Variants in MTF2 observed in about 807,000 individuals in gnomAD.
MTF2 encodes the protein metal-response element-binding transcription factor 2.
Under a neutral mutation model 79.5 loss-of-function variants are expected in MTF2, and 11 were observed. That is an observed-to-expected ratio of 0.14 (90% confidence interval 0.09 to 0.23). The LOEUF (loss-of-function observed/expected upper bound fraction) is 0.23. Ranked by LOEUF, MTF2 falls within the 10% of genes least tolerant of loss-of-function variation. MTF2 has a pLI of 1.00. For missense variants in MTF2, 486 were observed against 711.2 expected (o/e 0.68, Z 3.60); for synonymous variants, 208 against 232.8 (o/e 0.89, Z 0.97).
intron 1 of MTF2, among the ~76,000 whole-genome samples, chr1:93,094,825 T>G (rs980800294): frequency 2.6e-5 from 4 of 152,220 alleles, no homozygotes; most frequent in African/African-American, 9.6e-5. Context: ...AAAATGGTGA[T>G]TTAAAACATT....
chr1:93,098,951 A>G (rs1367019903), intron 1 of MTF2, among the ~76,000 whole-genome samples: 1 of 152,158 alleles, frequency 6.6e-6, no homozygotes, highest in Non-Finnish European at 1.5e-5. Flanking sequence ...CAGCAAGGTG[A>G]GGGATGAGAG....
At chr1:93,113,067 C>T (rs921034675) in intron 3 of MTF2, among the ~76,000 whole-genome samples, 1 of 152,122 alleles carries the variant, frequency 6.6e-6, no homozygotes, top group Non-Finnish European at 1.5e-5. Context: ...TATGGGAGAC[C>T]ACCTTCAACG....
At chr1:93,126,309 G>A (rs929369317) in intron 9 of MTF2, among the ~76,000 whole-genome samples, 5 of 152,028 alleles carry the variant, frequency 3.3e-5, no homozygotes, top group Non-Finnish European at 7.4e-5. Context: ...TTGTTAACTC[G>A]TGTAAAATAG....
rs112717765 is a variant in MTF2 at position 93,105,066 on chromosome 1, C to T, written c.6-5164C>T. On this transcript the variant is annotated intron_variant, in intron 1 of 14. Coordinates refer to ENST00000370298, the MANE Select transcript of MTF2 (RefSeq NM_007358.4). ...GGCTGAGGCAGGAGAATGGCGTGAA[C>T]CTGGGAGGCGGAGCTTGCAGTGAGC... Among the ~76,000 whole-genome samples the T allele has an allele frequency of 5.2e-4, 76 of 145,524 alleles. 1 individual carries two copies. Among genetic ancestry groups the T allele is most frequent in the African/African-American group, 1.9e-3 (74 of 39,474 alleles).
rs924477784 is a variant in MTF2, at chr1:93,127,178, T to C, written c.922-54T>C. The C allele has an allele frequency of 2.7e-5, 33 of 1,215,250 alleles. 2 individuals carry two copies. Among genetic ancestry groups the C allele is most frequent in the Non-Finnish European group, 8.6e-6 (7 of 818,584 alleles). 75.3% of individuals were successfully genotyped at this position (1,215,250 alleles called of 1,614,324 possible). A position where few individuals can be genotyped will look rare whatever the true frequency, so the allele number is the denominator to read the frequency against. ...ACATTGCCTCTATCTAGCACCTGTATATTACTAATTGATGAAATTGTAGTG... is the reference window on the plus strand; with the variant it reads ...ACATTGCCTCTATCTAGCACCTGTACATTACTAATTGATGAAATTGTAGTG... On this transcript the variant is annotated intron_variant, in intron 9 of 14. Transcript: ENST00000370298.
intron 9 of MTF2, among the ~76,000 whole-genome samples, chr1:93,124,860 A>G (rs1352547118): frequency 6.6e-6 from 1 of 151,966 alleles, no homozygotes; most frequent in Non-Finnish European, 1.5e-5. Flanking sequence ...AGATTTATAT[A>G]ATAAACCTCA....
At position 93,137,952 on chromosome 1, in the gene MTF2, A is replaced by G. The variant is rs1647466299; in HGVS notation, c.*925A>G. On this transcript the variant is annotated 3_prime_UTR_variant, in exon 15 of 15. Coordinates refer to ENST00000370298, the MANE Select transcript of MTF2 (RefSeq NM_007358.4). The stretch of plus-strand genomic sequence containing the variant: ...ATGAACATTATCTCCTACTAGAAGT[A>G]ACGTTTTCAAGTTTTCATGGCACAT... The G allele has an allele frequency of 6.6e-6, 1 of 152,360 alleles. No homozygotes were observed. Among genetic ancestry groups the G allele is most frequent in the African/African-American group, 2.4e-5 (1 of 41,588 alleles). 9.4% of individuals were successfully genotyped at this position (152,360 alleles called of 1,614,324 possible).
chr1:93,116,687 G>A (rs1025115120), intron 6 of MTF2, among the ~76,000 whole-genome samples: 2 of 151,882 alleles, frequency 1.3e-5, no homozygotes, highest in Non-Finnish European at 1.5e-5. Flanking sequence ...TTTTTTTGTG[G>A]AAATGGAGTC....
chr1:93,115,993 A>C (rs777215878), intron 6 of MTF2, among the ~76,000 whole-genome samples: 1 of 152,166 alleles, frequency 6.6e-6, no homozygotes, highest in Non-Finnish European at 1.5e-5. Flanking sequence ...TAAATGGGAG[A>C]GTAAAAGACA....
chr1:93,111,079 A>G (rs1229582837), intron 3 of MTF2, among the ~76,000 whole-genome samples: 2 of 152,182 alleles, frequency 1.3e-5, no homozygotes, highest in African/African-American at 4.8e-5. Flanking sequence ...TGGGTTTTTT[A>G]TGTTTAAATG....
intron 1 of MTF2, among the ~76,000 whole-genome samples, chr1:93,098,947 G>A (rs1655414114): frequency 6.6e-6 from 1 of 152,196 alleles, no homozygotes; most frequent in Non-Finnish European, 1.5e-5. Flanking sequence ...GTTTCAGCAA[G>A]GTGAGGGATG....
intron 9 of MTF2, chr1:93,121,057 C>G: frequency 1.0e-6 from 1 of 978,250 alleles, no homozygotes; most frequent in Non-Finnish European, 1.2e-6. Flanking sequence ...CTTCCTTCCT[C>G]TCTTGTTGGT....
In MTF2 at chr1:93,137,130, AAAGTC is replaced by A; in HGVS notation, c.*106_*110del. On this transcript the variant is annotated 3_prime_UTR_variant, in exon 15 of 15. Coordinates refer to ENST00000370298, the MANE Select transcript of MTF2 (RefSeq NM_007358.4). ...TTACTATCTTTCTTAAAAAAAAAAA[AAAGTC>A]AAAAAAATTCAAAAAAGGGGATGAT... is the stretch of plus-strand genomic sequence containing the variant. 2 of 1,024,556 alleles carry A rather than the reference AAAGTC, an allele frequency of 2.0e-6. No individual in the cohort carries two copies. Among genetic ancestry groups the A allele is most frequent in the Non-Finnish European group, 2.8e-6 (2 of 715,712 alleles). 63.5% of individuals were successfully genotyped at this position (1,024,556 alleles called of 1,614,324 possible).
At chr1:93,087,905 A>G (rs766361845) in intron 1 of MTF2, among the ~76,000 whole-genome samples, 1 of 151,052 alleles carries the variant, frequency 6.6e-6, no homozygotes, top group Non-Finnish European at 1.5e-5. Context: ...TTCCTATTCT[A>G]TGGCATTATT....
chr1:93,095,027 T>C (rs1056437669), intron 1 of MTF2, among the ~76,000 whole-genome samples: 3 of 152,178 alleles, frequency 2.0e-5, no homozygotes, highest in Non-Finnish European at 4.4e-5. Flanking sequence ...GTGTCTTTTT[T>C]TTCAGACATG....
intron 1 of MTF2, among the ~76,000 whole-genome samples, chr1:93,109,288 T>C (rs1015491276): frequency 5.9e-5 from 9 of 152,122 alleles, no homozygotes; most frequent in Non-Finnish European, 1.3e-4. Context: ...GTATTTAATA[T>C]ATATTTTTTT....
At chr1:93,100,299 T>C (rs968779446) in intron 1 of MTF2, among the ~76,000 whole-genome samples, 3 of 151,130 alleles carry the variant, frequency 2.0e-5, no homozygotes, top group African/African-American at 7.4e-5. Flanking sequence ...TTATGTTTGT[T>C]TGTTTGTTTG....
rs1647430582 is a variant in MTF2, at chr1:93,137,033, G to C, written c.*6G>C. On this transcript the variant is annotated 3_prime_UTR_variant, in exon 15 of 15. Coordinates refer to ENST00000370298, the MANE Select transcript of MTF2 (RefSeq NM_007358.4). Reference sequence around the variant, plus strand: ...AAGGAGCAACTGCATCCTGACTGTAGGACTGAACATTATGTTCACTGCACT... The same window carrying C: ...AAGGAGCAACTGCATCCTGACTGTACGACTGAACATTATGTTCACTGCACT... 3 of 1,608,842 alleles carry C rather than the reference G, an allele frequency of 1.9e-6. No homozygotes were observed. Among genetic ancestry groups the C allele is most frequent in the Non-Finnish European group, 1.7e-6 (2 of 1,176,242 alleles).
chr1:93,135,498 C>T (rs1237568020), intron 14 of MTF2, among the ~76,000 whole-genome samples: 2 of 152,070 alleles, frequency 1.3e-5, no homozygotes, highest in Non-Finnish European at 2.9e-5. Flanking sequence ...TTACTAGATA[C>T]TCTGCTAAGC....
Sources: allele counts gnomAD v4.1 joint callset (sites outside exome capture counted in the v4.1 genomes callset), GRCh38; gene constraint gnomAD v4.1.1; transcripts MANE v1.5; gene names NCBI Gene and HGNC (gene_info 2026-07-23, HGNC 2026-07-21).